The following PPARG variants were observed in gnomAD, a reference collection of about 807,000 sequenced individuals.
PPARG encodes the protein peroxisome proliferator activated receptor gamma.
In PPARG, 17 loss-of-function variants were observed where a neutral mutation model predicts 39.2. The ratio of observed to expected loss-of-function variants is 0.43; its 90% CI spans 0.30 to 0.65. The LOEUF is 0.65. Ranked by LOEUF, PPARG falls within the 30% of genes least tolerant of loss-of-function variation. PPARG has a pLI of 0.13. For synonymous variants in PPARG, 223 were observed against 215.7 expected (o/e 1.03, Z -0.30); for missense variants, 406 against 585.9 (o/e 0.69, Z 3.17).
chr3:12,314,220 T>A (rs1305692913), intron 2 of PPARG, among the ~76,000 whole-genome samples: 2 of 152,148 alleles, frequency 1.3e-5, no homozygotes, highest in African/African-American at 4.8e-5. Context: ...GAGGTTGCAG[T>A]GAGCTGAGAT....
chr3:12,358,544 G>T (rs1445655845), intron 2 of PPARG, among the ~76,000 whole-genome samples: 1 of 152,066 alleles, frequency 6.6e-6, no homozygotes, highest in Admixed American at 6.5e-5. Flanking sequence ...AAGTTCACTG[G>T]ACATTATCTT....
intron 2 of PPARG, among the ~76,000 whole-genome samples, chr3:12,378,013 A>G (rs896630595): frequency 1.3e-5 from 2 of 152,220 alleles, no homozygotes; most frequent in Non-Finnish European, 2.9e-5. Flanking sequence ...AGATATATGA[A>G]AAGGTACTCA....
chr3:12,377,848 G>A (rs2049473662), intron 2 of PPARG, among the ~76,000 whole-genome samples: 1 of 152,168 alleles, frequency 6.6e-6, no homozygotes, highest in Non-Finnish European at 1.5e-5. Context: ...CATCTGATAT[G>A]AAGTTATGGA....
At chr3:12,346,230 C>T (rs1247398475) in intron 2 of PPARG, among the ~76,000 whole-genome samples, 2 of 152,142 alleles carry the variant, frequency 1.3e-5, no homozygotes, top group African/African-American at 4.8e-5. Flanking sequence ...TTTAATTTAT[C>T]ATCAGACACT....
chr3:12,351,400 C>G, intron 2 of PPARG: 2 of 630,136 alleles, frequency 3.2e-6, no homozygotes, highest in Non-Finnish European at 5.7e-6. Context: ...TAGGACAGTG[C>G]CAGCCAATTC....
chr3:12,340,305 A>G (rs2048146809), intron 2 of PPARG, among the ~76,000 whole-genome samples: 1 of 152,194 alleles, frequency 6.6e-6, no homozygotes, highest in African/African-American at 2.4e-5. Flanking sequence ...TGTGTAGGAT[A>G]TTTGTCAACT....
Position 12,359,315 on chromosome 3 carries a change from AG to A in PPARG, c.-8-20387del, listed in dbSNP as rs1198927368. Among the ~76,000 whole-genome samples the A allele has an allele frequency of 2.6e-5, 4 of 152,222 alleles. No homozygotes were observed. In the East Asian group the frequency reaches 7.7e-4, roughly 29 times the overall value. On this transcript the variant is annotated intron_variant, in intron 2 of 7. Coordinates refer to ENST00000651735, the MANE Select transcript of PPARG (RefSeq NM_138711.6). Reference sequence around the variant, plus strand: ...GAAAAATGCCAAAGAAAATAAAATGAGGAAGTTTGGAAAAGAGAAACACACT... The same window carrying A: ...GAAAAATGCCAAAGAAAATAAAATGAGAAGTTTGGAAAAGAGAAACACACT...
In PPARG at chr3:12,433,589, C is replaced by T. The variant is rs7626560; in HGVS notation, c.1181-309C>T. On this transcript the variant is annotated intron_variant, in intron 7 of 7. Transcript: ENST00000651735. ...AAAAGGAGATTTCTGAGTAGAAACA[C>T]GTTAGCAGAGGAAACTTCATTTGGG... Among the ~76,000 whole-genome samples, 24,801 of 150,898 alleles carry T rather than the reference C, an allele frequency of 0.16. 2,254 individuals carry two copies. The highest frequency in any genetic ancestry group is 0.25 in the Admixed American group (3,727 of 15,160).
At chr3:12,370,789 AG>A (rs1299566756) in intron 2 of PPARG, among the ~76,000 whole-genome samples, 1 of 152,332 alleles carries the variant, frequency 6.6e-6, no homozygotes, top group Non-Finnish European at 1.5e-5. Flanking sequence ...TTATTTTTAA[AG>A]GAACATTATT....
At chr3:12,370,718 T>C (rs938389093) in intron 2 of PPARG, among the ~76,000 whole-genome samples, 1 of 152,242 alleles carries the variant, frequency 6.6e-6, no homozygotes, top group Non-Finnish European at 1.5e-5. Flanking sequence ...TATTTAACCT[T>C]GCTTAACCTA....
intron 5 of PPARG, among the ~76,000 whole-genome samples, chr3:12,396,247 G>A (rs923599764): frequency 6.6e-6 from 1 of 151,844 alleles, no homozygotes; most frequent in African/African-American, 2.4e-5. Context: ...TTAGCCTCCT[G>A]AGTAGCTGGG....
At chr3:12,386,577 A>T (rs1364025730) in intron 4 of PPARG, among the ~76,000 whole-genome samples, 2 of 152,096 alleles carry the variant, frequency 1.3e-5, no homozygotes, top group Non-Finnish European at 2.9e-5. Flanking sequence ...AACGAGGGAA[A>T]AGCAGGATGG....
At chr3:12,396,173 G>C (rs1437717224) in intron 5 of PPARG, among the ~76,000 whole-genome samples, 1 of 151,880 alleles carries the variant, frequency 6.6e-6, no homozygotes, top group Non-Finnish European at 1.5e-5. Context: ...CCAGTCTGGA[G>C]TACAATGGTA....
rs73027210 is a variant in PPARG, at chr3:12,405,769, G to A, written c.530-113G>A. The A allele has an allele frequency of 4.3e-3, 4,459 of 1,037,274 alleles. 29 individuals are homozygous for A. Among genetic ancestry groups the A allele is most frequent in the Admixed American group, 7.0e-3 (379 of 54,262 alleles). The allele number at this position is 1,037,274 out of a possible 1,614,324, so 64.3% of individuals were successfully genotyped here. A position where few individuals can be genotyped will look rare whatever the true frequency, so the allele number is the denominator to read the frequency against. On this transcript the variant is annotated intron_variant, in intron 5 of 7. Transcript: ENST00000651735. ...GGTAGACAGAAACCAGGACTCAAGA[G>A]CAGTGGAGGAGGAGGGCTTCTACTG...
At chr3:12,326,426 A>G (rs2047695947) in intron 2 of PPARG, among the ~76,000 whole-genome samples, 1 of 152,244 alleles carries the variant, frequency 6.6e-6, no homozygotes, top group South Asian at 2.1e-4. Context: ...ATCAACAGAT[A>G]CATCTCTGGT....
At chr3:12,302,847 A>C (rs934209947) in intron 1 of PPARG, among the ~76,000 whole-genome samples, 2 of 152,278 alleles carry the variant, frequency 1.3e-5, no homozygotes, top group African/African-American at 2.4e-5. Context: ...CAGGGAAAGC[A>C]GTCAGGAGGC....
At chr3:12,338,837 C>T (rs1311971485) in intron 2 of PPARG, among the ~76,000 whole-genome samples, 1 of 152,168 alleles carries the variant, frequency 6.6e-6, no homozygotes, top group Non-Finnish European at 1.5e-5. Context: ...TAACCTTAGA[C>T]AACTAAAGTT....
At chr3:12,294,799 A>G (rs559981815) in intron 1 of PPARG, among the ~76,000 whole-genome samples, 1 of 152,306 alleles carries the variant, frequency 6.6e-6, no homozygotes, top group African/African-American at 2.4e-5. Flanking sequence ...TGGCTGAGGC[A>G]GGAGAATCGG....
rs188010669 is a variant in PPARG, at chr3:12,387,584, T to C, written c.391-5030T>C. On this transcript the variant is annotated intron_variant, in intron 4 of 7. Coordinates refer to ENST00000651735, the MANE Select transcript of PPARG (RefSeq NM_138711.6). ...GATGGGGTTGTTTTTTTCTTGTAAA[T>C]TTGTTTAAGTTCTTTGTAGATTCTG... is the stretch of plus-strand genomic sequence containing the variant. Among the ~76,000 whole-genome samples the C allele has an allele frequency of 7.9e-5, 12 of 152,298 alleles. No individual in the cohort carries two copies. The East Asian group carries it at 2.3e-3, about 29-fold the overall frequency.
Sources: allele counts gnomAD v4.1 joint callset (sites outside exome capture counted in the v4.1 genomes callset), GRCh38; gene constraint gnomAD v4.1.1; transcripts MANE v1.5; gene names NCBI Gene and HGNC (gene_info 2026-07-23, HGNC 2026-07-21).